DGKB: variants seen among roughly 807,000 people sequenced by gnomAD.
DGKB encodes 90 kDa diacylglycerol kinase.
A neutral mutation model predicts 114.3 loss-of-function variants in DGKB; 67 were observed. That is an observed-to-expected ratio of 0.59 (90% CI 0.48 to 0.72). The LOEUF (loss-of-function observed/expected upper bound fraction) is 0.72, where lower values mean the gene tolerates loss of function less well. DGKB is among the 30% of genes least tolerant of loss of function. DGKB has a pLI of 0.00. For synonymous variants in DGKB, 398 were observed against 323.1 expected, an observed-to-expected ratio of 1.23 and a Z score of -2.49; for missense variants, 907 against 975.2, an observed-to-expected ratio of 0.93 and a Z score of 0.93.
intron 21 of DGKB, among the ~76,000 whole-genome samples, chr7:14,369,592 G>C (rs1817279922): frequency 6.6e-6 from 1 of 152,154 alleles, no homozygotes; most frequent in African/African-American, 2.4e-5. Context: ...GTTGCTTCCT[G>C]ACTATTTAAT....
intron 23 of DGKB, among the ~76,000 whole-genome samples, chr7:14,318,438 A>G (rs1807054369): frequency 6.6e-6 from 1 of 152,246 alleles, no homozygotes; most frequent in Non-Finnish European, 1.5e-5. Flanking sequence ...ACAAATTTAC[A>G]AGAAAAAAAC....
intron 23 of DGKB, among the ~76,000 whole-genome samples, chr7:14,260,452 A>C (rs1796605760): frequency 6.6e-6 from 1 of 152,194 alleles, no homozygotes. Flanking sequence ...CCTGCTGCTG[A>C]TCATCCAGCA....
intron 21 of DGKB, among the ~76,000 whole-genome samples, chr7:14,413,898 G>C (rs886471105): frequency 1.3e-5 from 2 of 152,146 alleles, no homozygotes; most frequent in Non-Finnish European, 2.9e-5. Context: ...AGGCAAATTA[G>C]TATAGAATTT....
At chr7:14,865,025 C>T (rs1851507392) in intron 1 of DGKB, among the ~76,000 whole-genome samples, 2 of 151,970 alleles carry the variant, frequency 1.3e-5, no homozygotes, top group African/African-American at 2.4e-5. Flanking sequence ...GTCACAGCAG[C>T]AGAGATGAGG....
chr7:14,708,501 C>T (rs536881347), intron 6 of DGKB, among the ~76,000 whole-genome samples: 20 of 151,076 alleles, frequency 1.3e-4, no homozygotes, highest in African/African-American at 2.2e-4. Context: ...GAGACGGCAT[C>T]GCCAAGTGAA....
chr7:14,827,536 T>G (rs770485987), intron 2 of DGKB, among the ~76,000 whole-genome samples: 1 of 152,134 alleles, frequency 6.6e-6, no homozygotes, highest in Non-Finnish European at 1.5e-5. Context: ...AAATGCTGTT[T>G]CTACTCCAAA....
intron 1 of DGKB, among the ~76,000 whole-genome samples, chr7:14,954,855 G>A (rs894447913): frequency 6.6e-6 from 1 of 151,992 alleles, no homozygotes; most frequent in African/African-American, 2.4e-5. Flanking sequence ...TTAGGTTCAA[G>A]TTCAAATTTG....
chr7:14,500,187 A>G (rs1785927505), intron 20 of DGKB, among the ~76,000 whole-genome samples: 1 of 151,886 alleles, frequency 6.6e-6, no homozygotes, highest in Admixed American at 6.6e-5. Flanking sequence ...AAATAAAACA[A>G]TATCCTCCTT....
chr7:14,883,890 T>C (rs548235572), intron 1 of DGKB, among the ~76,000 whole-genome samples: 1 of 152,098 alleles, frequency 6.6e-6, no homozygotes, highest in East Asian at 1.9e-4. Context: ...AACAAGTGGA[T>C]TAGTAGAATA....
intron 9 of DGKB, among the ~76,000 whole-genome samples, chr7:14,693,388 A>G (rs1399492859): frequency 6.6e-6 from 1 of 151,996 alleles, no homozygotes; most frequent in Non-Finnish European, 1.5e-5. Context: ...ATTTGCTTTC[A>G]AAGTCATTAT....
At chr7:14,932,796 T>C (rs947151351) in intron 1 of DGKB, among the ~76,000 whole-genome samples, 1 of 152,158 alleles carries the variant, frequency 6.6e-6, no homozygotes, top group African/African-American at 2.4e-5. Context: ...TTATCAAAGC[T>C]AATCTGTTGA....
At chr7:14,684,027 A>G (rs1821270372) in intron 10 of DGKB, among the ~76,000 whole-genome samples, 1 of 152,146 alleles carries the variant, frequency 6.6e-6, no homozygotes, top group Admixed American at 6.6e-5. Context: ...AACTTTAAAA[A>G]CAAAGTACTT....
intron 25 of DGKB, among the ~76,000 whole-genome samples, chr7:14,166,389 A>T (rs1033980758): frequency 6.6e-6 from 1 of 152,212 alleles, no homozygotes; most frequent in Admixed American, 6.5e-5. Context: ...TAGGGCATTT[A>T]TTAGACTTAT....
At chr7:14,187,356 C>A (rs888444025) in intron 23 of DGKB, among the ~76,000 whole-genome samples, 3 of 152,048 alleles carry the variant, frequency 2.0e-5, no homozygotes, top group African/African-American at 7.2e-5. Context: ...CACACCTGCA[C>A]ACACCTGAGC....
intron 19 of DGKB, among the ~76,000 whole-genome samples, chr7:14,578,922 A>C (rs1358092854): frequency 6.6e-6 from 1 of 152,194 alleles, no homozygotes; most frequent in Non-Finnish European, 1.5e-5. Flanking sequence ...CCAAAGTCAT[A>C]GTACTCACTA....
In DGKB at chr7:14,292,950, G is replaced by A. The variant is rs908971383; in HGVS notation, c.2122+45565C>T. 5.3e-5 allele frequency among the ~76,000 whole-genome samples: 8 copies of A among 152,194 alleles called. No homozygotes were observed. In the South Asian group the frequency reaches 1.7e-3, roughly 32 times the overall value. On this transcript the variant is annotated intron_variant, in intron 23 of 25. Coordinates refer to ENST00000402815, the MANE Select transcript of DGKB (RefSeq NM_001350709.2). ...ATAAATGAGTCATTCAGTATTCTGG[G>A]CTTCTCTGGATGGCCAATTCAGAGA...
intron 20 of DGKB, among the ~76,000 whole-genome samples, chr7:14,542,411 C>T (rs1793611249): frequency 6.6e-6 from 1 of 152,170 alleles, no homozygotes; most frequent in Non-Finnish European, 1.5e-5. Context: ...ATGACTTGTA[C>T]TACCCGTATT....
At chr7:14,886,656 A>T (rs1252928563) in intron 1 of DGKB, among the ~76,000 whole-genome samples, 1 of 151,924 alleles carries the variant, frequency 6.6e-6, no homozygotes, top group Non-Finnish European at 1.5e-5. Context: ...CCATTACTGC[A>T]GTAATCTGGG....
At chr7:14,674,284 A>T (rs1484082716) in intron 12 of DGKB, among the ~76,000 whole-genome samples, 1 of 152,172 alleles carries the variant, frequency 6.6e-6, no homozygotes, top group Non-Finnish European at 1.5e-5. Context: ...ATTTAATTGT[A>T]TTAGGCACTA....
Sources: allele counts gnomAD v4.1 joint callset (sites outside exome capture counted in the v4.1 genomes callset), GRCh38; gene constraint gnomAD v4.1.1; transcripts MANE v1.5; gene names NCBI Gene and HGNC (gene_info 2026-07-23, HGNC 2026-07-21).